The following WIF1 variants were observed in gnomAD, a reference collection of about 807,000 sequenced individuals.
WIF1 encodes the protein Wnt inhibitory factor 1.
In WIF1, 35 loss-of-function variants were observed where a neutral mutation model predicts 53.5. The ratio of observed to expected loss-of-function variants is 0.65; its 90% confidence interval spans 0.50 to 0.87. The LOEUF (loss-of-function observed/expected upper bound fraction) is 0.87, where lower values mean the gene tolerates loss of function less well. Among genes scored for constraint, WIF1 ranks in the 40% least tolerant of loss-of-function variants. The pLI is 0.00. For missense variants in WIF1, 467 were observed against 476.8 expected (o/e 0.98, Z 0.19); for synonymous variants, 171 against 170.4 (o/e 1.00, Z -0.03).
chr12:65,115,562 A>G (rs918776556), intron 2 of WIF1, among the ~76,000 whole-genome samples: 2 of 152,250 alleles, frequency 1.3e-5, no homozygotes, highest in African/African-American at 4.8e-5. Context: ...TCAAATTTAC[A>G]GAAAAATAAT....
intron 3 of WIF1, among the ~76,000 whole-genome samples, chr12:65,076,126 C>A (rs1882857160): frequency 6.6e-6 from 1 of 152,136 alleles, no homozygotes; most frequent in Admixed American, 6.5e-5. Flanking sequence ...CAGCCTCCAC[C>A]TCCCCAGCTC....
intron 2 of WIF1, among the ~76,000 whole-genome samples, chr12:65,079,913 A>G (rs932839324): frequency 2.0e-5 from 3 of 152,184 alleles, no homozygotes; most frequent in African/African-American, 7.2e-5. Context: ...TAATTAAAGA[A>G]ATTACATTAA....
chr12:65,074,591 G>T (rs985324223), intron 3 of WIF1, among the ~76,000 whole-genome samples: 18 of 151,864 alleles, frequency 1.2e-4, no homozygotes, highest in Non-Finnish European at 2.5e-4. Context: ...GCCGAGGCAG[G>T]CAGATCACTT....
intron 2 of WIF1, among the ~76,000 whole-genome samples, chr12:65,088,543 C>T (rs1054811557): frequency 9.2e-5 from 14 of 152,064 alleles, no homozygotes; most frequent in African/African-American, 2.4e-4. Context: ...GTCTTTACTA[C>T]GGTATGGTTT....
At chr12:65,093,089 C>T (rs764025899) in intron 2 of WIF1, among the ~76,000 whole-genome samples, 1 of 152,090 alleles carries the variant, frequency 6.6e-6, no homozygotes, top group Non-Finnish European at 1.5e-5. Flanking sequence ...TAATTACTGG[C>T]ATGAGAATAA....
chr12:65,120,815 C>T (rs1327011095), intron 1 of WIF1: 2 of 843,974 alleles, frequency 2.4e-6, no homozygotes, highest in Non-Finnish European at 3.4e-6. Context: ...CACCTAAAAA[C>T]GCAGGGCTAT....
intron 3 of WIF1, among the ~76,000 whole-genome samples, chr12:65,074,014 T>C (rs1882821462): frequency 6.6e-6 from 1 of 152,146 alleles, no homozygotes; most frequent in Non-Finnish European, 1.5e-5. Flanking sequence ...GACCAAAGTG[T>C]CACCCACTTT....
chr12:65,066,705 T>G lies in WIF1; in HGVS notation c.666A>C (p.Gly222=). ...TGCAGAAACCAGGAGTCACACAAAG[T>G]CCACCATTCATACATCGTGGGGTAC... ...ALCTPRCMNG[G]LCVTPGFCIC... The change falls in exon 6 of 10, where the codon GGA becomes GGC. Residue 222 remains glycine (G), a synonymous_variant. Transcript: ENST00000286574. 1 of 1,610,408 alleles carries G rather than the reference T, an allele frequency of 6.2e-7. No homozygotes were observed. Among genetic ancestry groups the G allele is most frequent in the Non-Finnish European group, 8.5e-7 (1 of 1,178,024 alleles).
intron 2 of WIF1, among the ~76,000 whole-genome samples, chr12:65,078,065 A>G (rs534472878): frequency 2.1e-4 from 32 of 151,884 alleles, no homozygotes; most frequent in Non-Finnish European, 4.0e-4. Flanking sequence ...AACAGCCACA[A>G]TAGTTAATCT....
intron 5 of WIF1, among the ~76,000 whole-genome samples, chr12:65,067,116 TCTTA>T (rs1300705216): frequency 6.6e-6 from 1 of 152,102 alleles, no homozygotes; most frequent in Non-Finnish European, 1.5e-5. Flanking sequence ...TATTATTCTT[TCTTA>T]CTTATTTTAA....
chr12:65,097,860 C>T lies in WIF1; in HGVS notation c.289-20006G>A, dbSNP rs145631670. Among the ~76,000 whole-genome samples, 91 of 152,170 alleles carry T rather than the reference C, an allele frequency of 6.0e-4. 1 individual carries two copies. Among genetic ancestry groups the T allele is most frequent in the African/African-American group, 2.1e-3 (87 of 41,492 alleles). Reference sequence around the variant, plus strand: ...TTTCTTTGATTGTATCATATCACTTCGTGTGATAGGATTAGAGGAAATTAA... The same window carrying T: ...TTTCTTTGATTGTATCATATCACTTTGTGTGATAGGATTAGAGGAAATTAA... On this transcript the variant is annotated intron_variant, in intron 2 of 9. Coordinates refer to ENST00000286574, the MANE Select transcript of WIF1 (RefSeq NM_007191.5).
rs757514516 is a variant in WIF1 at position 65,062,563 on chromosome 12, G to A, written c.744C>T (p.Thr248=). The A allele has an allele frequency of 5.0e-6, 8 of 1,606,784 alleles. No individual in the cohort carries two copies. In the South Asian group the frequency reaches 6.7e-5, roughly 13 times the overall value. Residue 248 remains threonine, a synonymous_variant, in exon 7 of 10, where the codon ACC becomes ACT. Transcript: ENST00000286574. ...GVNCDKANCS[T]TCFNGGTCFY... Reference sequence around the variant, plus strand: ...AACAGGTCCCTCCATTAAAGCAGGTGGTTGAGCAGTTTGCTGTTAGAATGA... The same window carrying A: ...AACAGGTCCCTCCATTAAAGCAGGTAGTTGAGCAGTTTGCTGTTAGAATGA...
intron 2 of WIF1, among the ~76,000 whole-genome samples, chr12:65,098,608 C>T (rs1372410903): frequency 6.6e-6 from 1 of 152,132 alleles, no homozygotes; most frequent in Non-Finnish European, 1.5e-5. Context: ...CCAAGTAGTG[C>T]TTGCAACTAG....
At chr12:65,108,960 C>T (rs1883389464) in intron 2 of WIF1, among the ~76,000 whole-genome samples, 1 of 152,208 alleles carries the variant, frequency 6.6e-6, no homozygotes, top group South Asian at 2.1e-4. Flanking sequence ...TTATTATCTA[C>T]TTTTAAGCAT....
At chr12:65,073,514 T>C (rs1276229992) in intron 3 of WIF1, among the ~76,000 whole-genome samples, 1 of 152,236 alleles carries the variant, frequency 6.6e-6, no homozygotes, top group Non-Finnish European at 1.5e-5. Flanking sequence ...GTATTTCCTG[T>C]TTTTGTTCTC....
At chr12:65,083,701 T>C (rs1054403087) in intron 2 of WIF1, 2 of 327,044 alleles carry the variant, frequency 6.1e-6, no homozygotes, top group African/African-American at 4.5e-5. Context: ...CCTGGTTCAT[T>C]ATCTTCCAAA....
At chr12:65,053,183 C>A (rs1025160229) in intron 9 of WIF1, among the ~76,000 whole-genome samples, 3 of 152,164 alleles carry the variant, frequency 2.0e-5, no homozygotes, top group Non-Finnish European at 2.9e-5. Flanking sequence ...ACCATTCAAC[C>A]ATTCCCACTG....
intron 4 of WIF1, among the ~76,000 whole-genome samples, chr12:65,068,474 C>T (rs925885692): frequency 6.6e-6 from 1 of 152,090 alleles, no homozygotes; most frequent in African/African-American, 2.4e-5. Context: ...CTCCCAACAA[C>T]TGTGTTGGAG....
intron 3 of WIF1, among the ~76,000 whole-genome samples, chr12:65,074,219 A>G (rs1422325540): frequency 1.3e-5 from 2 of 151,756 alleles, no homozygotes; most frequent in Non-Finnish European, 2.9e-5. Flanking sequence ...TTTAGGGTAC[A>G]TGTGCACATT....
Sources: allele counts gnomAD v4.1 joint callset (sites outside exome capture counted in the v4.1 genomes callset), GRCh38; gene constraint gnomAD v4.1.1; transcripts MANE v1.5; gene names NCBI Gene and HGNC (gene_info 2026-07-23, HGNC 2026-07-21).